NUP93: variants seen among roughly 807,000 people sequenced by gnomAD.
The protein encoded by NUP93 is nuclear pore complex protein Nup93.
In NUP93, 55 loss-of-function variants were observed where a neutral mutation model predicts 107.8. The ratio of observed to expected loss-of-function variants is 0.51; its 90% confidence interval spans 0.41 to 0.64. NUP93 has a LOEUF of 0.64. Among genes scored for constraint, NUP93 ranks in the 30% least tolerant of loss-of-function variants. The pLI is 0.00. For missense variants in NUP93, 937 were observed against 1,044.7 expected (o/e 0.90, Z 1.42); for synonymous variants, 390 against 397.5 (o/e 0.98, Z 0.22).
intron 5 of NUP93, among the ~76,000 whole-genome samples, chr16:56,817,104 G>T (rs757037404): frequency 3.9e-5 from 6 of 152,168 alleles, no homozygotes; most frequent in Non-Finnish European, 8.8e-5. Flanking sequence ...CCAGATCAGT[G>T]AACTGTTTAA....
chr16:56,827,660 T>C (rs2144622797), intron 8 of NUP93, among the ~76,000 whole-genome samples: 1 of 152,356 alleles, frequency 6.6e-6, no homozygotes, highest in Admixed American at 6.5e-5. Context: ...AATCAAATAA[T>C]GATCCAGCTT....
At position 56,845,044 on chromosome 16, in the gene NUP93, A is replaced by G. The variant is rs570971512; in HGVS notation, c.*435A>G. 2.5e-4 allele frequency: 60 copies of G among 237,708 alleles called. No individual in the cohort carries two copies. The highest frequency in any genetic ancestry group is 1.2e-3 in the African/African-American group (56 of 45,402). The allele number at this position is 237,708 out of a possible 1,614,324, so 14.7% of individuals were successfully genotyped here. On this transcript the variant is annotated 3_prime_UTR_variant, in exon 22 of 22. Coordinates refer to ENST00000308159, the MANE Select transcript of NUP93 (RefSeq NM_014669.5). ...CATTTTTATTTGAATGTGAAAGTCA[A>G]CCTCAGCCTTAGAAGATGTAAGATT...
intron 2 of NUP93, among the ~76,000 whole-genome samples, chr16:56,751,283 A>G (rs191429997): frequency 6.6e-6 from 1 of 152,354 alleles, no homozygotes; most frequent in East Asian, 1.9e-4. Flanking sequence ...ATGTTCATGC[A>G]AAGCATATGT....
In NUP93 at chr16:56,827,501, C is replaced by T. The variant is rs557881176; in HGVS notation, c.795-1476C>T. Among the ~76,000 whole-genome samples the T allele has an allele frequency of 8.5e-5, 13 of 152,242 alleles. No individual in the cohort carries two copies. In the East Asian group the frequency reaches 1.2e-3, roughly 14 times the overall value. On this transcript the variant is annotated intron_variant, in intron 8 of 21. Coordinates refer to ENST00000308159, the MANE Select transcript of NUP93 (RefSeq NM_014669.5). ...GTACAAAGAGAATAATAAATTGTAA[C>T]GGAGAAATCTGGTGGACATCTTTCA...
intron 1 of NUP93, among the ~76,000 whole-genome samples, chr16:56,742,868 C>T (rs114890895): frequency 0.013 from 1,986 of 152,228 alleles, 39 homozygotes; most frequent in African/African-American, 0.045. Context: ...TCCATAAGCC[C>T]TGAGTAAAGG....
rs1398396865 is a variant in NUP93, at chr16:56,845,081, T to TA, written c.*473dup. On this transcript the variant is annotated 3_prime_UTR_variant, in exon 22 of 22. Transcript: ENST00000308159. ...GAAGATGTAAGATTTGTGTGTGAAA[T>TA]ATCAAGCACTCCATGTCCTCCTCTA... 17 of 215,594 alleles carry TA rather than the reference T, an allele frequency of 7.9e-5. No homozygotes were observed. Among genetic ancestry groups the TA allele is most frequent in the Non-Finnish European group, 1.5e-4 (16 of 107,616 alleles). The allele number at this position is 215,594 out of a possible 1,614,324, so 13.4% of individuals were successfully genotyped here.
intron 1 of NUP93, among the ~76,000 whole-genome samples, chr16:56,732,763 G>T (rs1226379277): frequency 6.6e-6 from 1 of 152,230 alleles, no homozygotes; most frequent in Admixed American, 6.5e-5. Context: ...TATGGAGTTA[G>T]AGGGAAGATC....
At chr16:56,822,180 G>A (rs1963558981) in intron 7 of NUP93, among the ~76,000 whole-genome samples, 1 of 150,994 alleles carries the variant, frequency 6.6e-6, no homozygotes, top group African/African-American at 2.4e-5. Context: ...AGGCTATTAT[G>A]GAAGCAAGCA....
intron 5 of NUP93, among the ~76,000 whole-genome samples, chr16:56,809,858 A>G (rs776682695): frequency 1.3e-5 from 2 of 152,194 alleles, no homozygotes; most frequent in Non-Finnish European, 2.9e-5. Context: ...AAGATTTCAG[A>G]CTGAAATCAG....
At chr16:56,768,918 C>G (rs1962270488) in intron 3 of NUP93, among the ~76,000 whole-genome samples, 1 of 151,684 alleles carries the variant, frequency 6.6e-6, no homozygotes, top group Non-Finnish European at 1.5e-5. Context: ...ATCAGGGAAG[C>G]AAAGCCAAGG....
At chr16:56,744,236 TTTAA>T (rs1430364806) in intron 1 of NUP93, among the ~76,000 whole-genome samples, 1 of 152,332 alleles carries the variant, frequency 6.6e-6, no homozygotes, top group African/African-American at 2.4e-5. Context: ...CATAGATCAT[TTTAA>T]TTGTTTCTGC....
At chr16:56,825,124 T>C (rs959118926) in intron 8 of NUP93, among the ~76,000 whole-genome samples, 2 of 151,544 alleles carry the variant, frequency 1.3e-5, no homozygotes, top group Admixed American at 6.6e-5. Flanking sequence ...TGGCATAATC[T>C]GGGCTCGCTG....
chr16:56,814,991 G>A (rs1365080358), intron 5 of NUP93, among the ~76,000 whole-genome samples: 1 of 152,198 alleles, frequency 6.6e-6, no homozygotes, highest in Non-Finnish European at 1.5e-5. Flanking sequence ...TTGACTTTAT[G>A]TGCGGGGAAA....
At chr16:56,809,898 A>G (rs1336008302) in intron 5 of NUP93, among the ~76,000 whole-genome samples, 1 of 152,224 alleles carries the variant, frequency 6.6e-6, no homozygotes, top group African/African-American at 2.4e-5. Flanking sequence ...AATGTATAAT[A>G]TCGTTGGTCA....
chr16:56,791,950 T>C (rs1338870225), intron 3 of NUP93, among the ~76,000 whole-genome samples: 4 of 152,220 alleles, frequency 2.6e-5, no homozygotes, highest in Non-Finnish European at 4.4e-5. Context: ...TACAATTACA[T>C]ATATATAATT....
intron 1 of NUP93, among the ~76,000 whole-genome samples, chr16:56,740,002 T>C (rs1597100210): frequency 1.5e-5 from 1 of 67,302 alleles, no homozygotes; most frequent in Non-Finnish European, 2.8e-5. Context: ...GAGGGGCTCC[T>C]CACTTCCCAG....
intron 3 of NUP93, among the ~76,000 whole-genome samples, chr16:56,768,700 A>T (rs1449228276): frequency 6.8e-6 from 1 of 147,544 alleles, no homozygotes; most frequent in East Asian, 2.0e-4. Flanking sequence ...CCCTGTCTCT[A>T]CTAAAAAATA....
chr16:56,739,016 G>C (rs1464681725), intron 1 of NUP93, among the ~76,000 whole-genome samples: 2 of 148,130 alleles, frequency 1.4e-5, no homozygotes, highest in Non-Finnish European at 1.5e-5. Flanking sequence ...ATGTTTCAGA[G>C]AGCACAGGGT....
At chr16:56,778,058 C>T (rs1417646609) in intron 3 of NUP93, among the ~76,000 whole-genome samples, 2 of 152,090 alleles carry the variant, frequency 1.3e-5, no homozygotes, top group African/African-American at 2.4e-5. Flanking sequence ...GAGCCAACAC[C>T]GACATTCCTG....
Sources: allele counts gnomAD v4.1 joint callset (sites outside exome capture counted in the v4.1 genomes callset), GRCh38; gene constraint gnomAD v4.1.1; transcripts MANE v1.5; gene names NCBI Gene and HGNC (gene_info 2026-07-23, HGNC 2026-07-21).